The following MED22 variants were observed in gnomAD, a reference collection of about 807,000 sequenced individuals.
MED22 encodes the protein mediator of RNA polymerase II transcription subunit 22.
A neutral mutation model predicts 22.7 loss-of-function variants in MED22; 22 were observed. The observed-to-expected ratio is 0.97, with a 90% CI of 0.69 to 1.38. The LOEUF is 1.38. MED22 is among the 40% of genes most tolerant of loss of function. MED22 has a pLI of 0.00. For synonymous variants in MED22, 134 were observed against 119.4 expected, an observed-to-expected ratio of 1.12 and a Z score of -0.80; for missense variants, 247 against 263.0, an observed-to-expected ratio of 0.94 and a Z score of 0.42.
At position 133,343,891 on chromosome 9, in the gene MED22, G is replaced by C. The variant is rs142102252; in HGVS notation, c.413+234C>G. On this transcript the variant is annotated intron_variant, in intron 4 of 4. Transcript: ENST00000343730. ...CAGACTCGGCCTATCCGACTGGCGT[G>C]AGTCCTGTGGTTTTCATCACATTGC... 2,920 of 1,423,514 alleles carry C rather than the reference G, an allele frequency of 2.1e-3. 15 individuals carry two copies. The highest frequency in any genetic ancestry group is 0.018 in the Middle Eastern group (71 of 3,850). The allele number at this position is 1,423,514 out of a possible 1,614,324, so 88.2% of individuals were successfully genotyped here.
At position 133,339,239 on chromosome 9, in the gene MED22, T is replaced by C; in HGVS notation, c.*2266A>G. On this transcript the variant is annotated 3_prime_UTR_variant, in exon 5 of 5. Coordinates refer to ENST00000343730, the MANE Select transcript of MED22 (RefSeq NM_133640.5). ...TGTAAACAAGTAAGGGCAAGATTCT[T>C]GCCAAGAGAATGAATGTGCATATTC... The C allele has an allele frequency of 1.4e-6, 1 of 693,360 alleles. No individual in the cohort carries two copies. The highest frequency in any genetic ancestry group is 2.7e-6 in the Non-Finnish European group (1 of 372,934). The allele number at this position is 693,360 out of a possible 1,614,324, so 43.0% of individuals were successfully genotyped here. A position where few individuals can be genotyped will look rare whatever the true frequency, so the allele number is the denominator to read the frequency against.
intron 3 of MED22, among the ~76,000 whole-genome samples, chr9:133,344,927 T>C (rs1002652750): frequency 6.6e-6 from 1 of 152,174 alleles, no homozygotes; most frequent in Non-Finnish European, 1.5e-5. Flanking sequence ...CATGGGTGGC[T>C]CTCTGCCCAG....
chr9:133,345,369 A>G, intron 2 of MED22, 117 bp from the exon 3 acceptor site: 2 of 980,274 alleles, frequency 2.0e-6, no homozygotes, highest in South Asian at 2.8e-5. Flanking sequence ...ACTGGCCACA[A>G]CCTGTCTGTG....
At position 133,343,709 on chromosome 9, in the gene MED22, C is replaced by A. The variant is rs2129957635; in HGVS notation, c.413+416G>T. 7 of 1,293,310 alleles carry A rather than the reference C, an allele frequency of 5.4e-6. No individual in the cohort carries two copies. The East Asian group carries it at 1.1e-4, about 20-fold the overall frequency. 80.1% of individuals were successfully genotyped at this position (1,293,310 alleles called of 1,614,324 possible). On this transcript the variant is annotated intron_variant, in intron 4 of 4. Transcript: ENST00000343730. ...CTGGTGCCCTGGACATAGGTGTGGA[C>A]CTGACTGCCCAAAAAAGGCTGGCCC... is the stretch of plus-strand genomic sequence containing the variant.
chr9:133,344,458 A>C, intron 3 of MED22, 125 bp from the exon 4 acceptor site: 1 of 893,154 alleles, frequency 1.1e-6, no homozygotes, highest in Admixed American at 2.1e-5. Flanking sequence ...GCAAAGTGGG[A>C]CTCTACCCCT....
At position 133,339,618 on chromosome 9, in the gene MED22, G is replaced by A. The variant is rs1258062201; in HGVS notation, c.*1887C>T. 3 of 413,694 alleles carry A rather than the reference G, an allele frequency of 7.3e-6. No individual in the cohort carries two copies. The highest frequency in any genetic ancestry group is 5.1e-5 in the East Asian group (1 of 19,438). 25.6% of individuals were successfully genotyped at this position (413,694 alleles called of 1,614,324 possible). A position where few individuals can be genotyped will look rare whatever the true frequency, so the allele number is the denominator to read the frequency against. On this transcript the variant is annotated 3_prime_UTR_variant, in exon 5 of 5. Coordinates refer to ENST00000343730, the MANE Select transcript of MED22 (RefSeq NM_133640.5). Reference sequence around the variant, plus strand: ...ATTCTGGTTGTGGTGATGGACGAAGGAGAATGTGCTCAGAGAGGCAAACTG... The same window carrying A: ...ATTCTGGTTGTGGTGATGGACGAAGAAGAATGTGCTCAGAGAGGCAAACTG...
In MED22 at chr9:133,341,617, T is replaced by C. The variant is rs2119056855; in HGVS notation, c.491A>G (p.Asp164Gly). 1 of 1,598,774 alleles carries C rather than the reference T, an allele frequency of 6.3e-7. No individual in the cohort carries two copies. Among genetic ancestry groups the C allele is most frequent in the South Asian group, 1.1e-5 (1 of 88,788 alleles). The change falls in exon 5 of 5, where the codon GAT becomes GGT. Residue 164 changes from aspartate to glycine, a missense_variant. By Grantham distance (94) the Asp-to-Gly change is moderately conservative. Coordinates refer to ENST00000343730, the MANE Select transcript of MED22 (RefSeq NM_133640.5). Reference sequence around the variant, plus strand: ...CGCCAGCAGAGGGGCCGAGAGGCCATCAGCAGAGTCTGTGTCGAGGTCCAG... The same window carrying C: ...CGCCAGCAGAGGGGCCGAGAGGCCACCAGCAGAGTCTGTGTCGAGGTCCAG... ...GRLDLDTDSADGLSAPLLASP... is the reference protein window; with the variant it reads ...GRLDLDTDSAGGLSAPLLASP...
At chr9:133,347,853 C>CCACCCACCCCCACTCCCGCCCACA (rs918733046) in intron 1 of MED22, 69 bp downstream of exon 1, 2 of 146,004 alleles carry the variant, frequency 1.4e-5, no homozygotes, top group Non-Finnish European at 3.0e-5. Flanking sequence ...GCCTACGCAC[C>CCACCCACCCCCACTCCCGCCCACA]CACCCACCCC....
intron 4 of MED22, chr9:133,342,152 G>A (rs1836023981): frequency 2.0e-6 from 2 of 996,772 alleles, no homozygotes; most frequent in Non-Finnish European, 2.4e-6. Flanking sequence ...CCCTGCCTGA[G>A]ACTTAGCCTG....
intron 4 of MED22, chr9:133,342,547 G>A (rs1048159733): frequency 1.1e-4 from 107 of 984,866 alleles, no homozygotes; most frequent in Admixed American, 4.9e-4. Context: ...CAGCTCATGC[G>A]GAACAGGGCA....
Position 133,338,325 on chromosome 9 carries a change from G to C in MED22, c.*3180C>G, listed in dbSNP as rs1835934004. On this transcript the variant is annotated 3_prime_UTR_variant, in exon 5 of 5. Coordinates refer to ENST00000343730, the MANE Select transcript of MED22 (RefSeq NM_133640.5). Reference sequence around the variant, plus strand: ...TTTTCTTTTTTCTTTTTTTTTTTGAGGTGGAGTTTCGCTCTTGTTGCCCAA... The same window carrying C: ...TTTTCTTTTTTCTTTTTTTTTTTGACGTGGAGTTTCGCTCTTGTTGCCCAA... 6.6e-6 allele frequency: 1 copy of C among 151,926 alleles called. No individual in the cohort carries two copies. Among genetic ancestry groups the C allele is most frequent in the African/African-American group, 2.4e-5 (1 of 41,018 alleles). 9.4% of individuals were successfully genotyped at this position (151,926 alleles called of 1,614,324 possible).
At chr9:133,342,140 G>A in intron 4 of MED22, 1 of 1,006,382 alleles carries the variant, frequency 9.9e-7, no homozygotes, top group Non-Finnish European at 1.2e-6. Context: ...TTCTGGGTCT[G>A]TCCCTGCCTG....
At chr9:133,342,028 C>G in intron 4 of MED22, 3 of 1,123,224 alleles carry the variant, frequency 2.7e-6, no homozygotes, top group Non-Finnish European at 3.3e-6. Context: ...TCCCCCTCCT[C>G]TTGCAAAAAG....
chr9:133,341,792 G>A (rs1349917366), intron 4 of MED22, 98 bp from the exon 5 acceptor site: 1 of 1,521,098 alleles, frequency 6.6e-7, no homozygotes, highest in African/African-American at 1.4e-5. Context: ...AAGAAAACAC[G>A]ACCACACCCC....
chr9:133,343,359 C>G, intron 4 of MED22: 3 of 1,230,696 alleles, frequency 2.4e-6, no homozygotes, highest in Non-Finnish European at 3.0e-6. Context: ...CTCCCTGTCT[C>G]CAGCCTAAGT....
Position 133,340,620 on chromosome 9 carries a change from C to T in MED22, c.*885G>A, listed in dbSNP as rs1483047320. ...CTAGCTCTGTGGCCGTGGTACACCT[C>T]ACCCCTTCTAAGTCCACATCCTCTC... On this transcript the variant is annotated 3_prime_UTR_variant, in exon 5 of 5. Transcript: ENST00000343730. 1 of 152,306 alleles carries T rather than the reference C, an allele frequency of 6.6e-6. No homozygotes were observed. Among genetic ancestry groups the T allele is most frequent in the Non-Finnish European group, 1.5e-5 (1 of 68,080 alleles). The allele number at this position is 152,306 out of a possible 1,614,324, so 9.4% of individuals were successfully genotyped here.
Position 133,341,652 on chromosome 9 carries a change from A to G in MED22, c.456T>C (p.Ala152=). The change falls in exon 5 of 5, where the codon GCT becomes GCC. Residue 152 remains alanine, a synonymous_variant. Coordinates refer to ENST00000343730, the MANE Select transcript of MED22 (RefSeq NM_133640.5). ...CTGTGTCGAGGTCCAGCCTCCCGTA[A>G]GCTTCGCACAGAGGCAGGTCATTAG... is the stretch of plus-strand genomic sequence containing the variant. ...CEANDLPLCE[A]YGRLDLDTDS... The G allele has an allele frequency of 1.2e-6, 2 of 1,607,002 alleles. No homozygotes were observed. The highest frequency in any genetic ancestry group is 1.7e-6 in the Non-Finnish European group (2 of 1,176,958).
chr9:133,343,670 A>G (rs1262820342), intron 4 of MED22: 24 of 1,256,636 alleles, frequency 1.9e-5, no homozygotes, highest in Non-Finnish European at 2.3e-5. Flanking sequence ...TGACATCCAC[A>G]TGGAATTGCA....
Position 133,338,318 on chromosome 9 carries a change from T to G in MED22, c.*3187A>C, listed in dbSNP as rs1835933882. The G allele has an allele frequency of 6.5e-6, 1 of 153,324 alleles. No homozygotes were observed. The highest frequency in any genetic ancestry group is 2.4e-5 in the African/African-American group (1 of 41,422). 9.5% of individuals were successfully genotyped at this position (153,324 alleles called of 1,614,324 possible). A position where few individuals can be genotyped will look rare whatever the true frequency, so the allele number is the denominator to read the frequency against. On this transcript the variant is annotated 3_prime_UTR_variant, in exon 5 of 5. Transcript: ENST00000343730. ...AATTTCTTTTTCTTTTTTCTTTTTT[T>G]TTTTGAGGTGGAGTTTCGCTCTTGT... is the stretch of plus-strand genomic sequence containing the variant.
Sources: allele counts gnomAD v4.1 joint callset (sites outside exome capture counted in the v4.1 genomes callset), GRCh38; gene constraint gnomAD v4.1.1; transcripts MANE v1.5; gene names NCBI Gene and HGNC (gene_info 2026-07-23, HGNC 2026-07-21).